The following DACH2 variants were observed in gnomAD, a reference collection of about 807,000 sequenced individuals.
DACH2 encodes the protein dachshund homolog 2.
A neutral mutation model predicts 35.8 loss-of-function variants in DACH2; 17 were observed. That is an observed-to-expected ratio of 0.48 (90% CI 0.33 to 0.71). The LOEUF (loss-of-function observed/expected upper bound fraction) is 0.71, where lower values mean the gene tolerates loss of function less well. DACH2 is among the 30% of genes least tolerant of loss of function. The probability of loss-of-function intolerance (pLI) is 0.02; values close to 1 mark genes in which losing one functional copy is unlikely to be tolerated. For synonymous variants in DACH2, 195 were observed against 177.3 expected (o/e 1.10, Z -0.79); for missense variants, 469 against 472.7 (o/e 0.99, Z 0.07).
intron 2 of DACH2, among the ~76,000 whole-genome samples, chrX:86,431,192 CTT>C (rs990475990): frequency 5.4e-5 from 6 of 111,520 alleles, no homozygotes; most frequent in South Asian, 3.7e-4. Flanking sequence ...GCATCTCTCT[CTT>C]GATGGTTTAT....
intron 3 of DACH2, among the ~76,000 whole-genome samples, chrX:86,527,238 A>G (rs1296164741): frequency 8.9e-6 from 1 of 111,799 alleles, no homozygotes; most frequent in African/African-American, 3.2e-5. Context: ...AATAAATTGT[A>G]CATAGAAAGT....
intron 2 of DACH2, among the ~76,000 whole-genome samples, chrX:86,398,812 A>C (rs1191221384): frequency 9.0e-6 from 1 of 111,644 alleles, no homozygotes; most frequent in East Asian, 2.8e-4. Context: ...ACTTCCAACT[A>C]TGTGGTCAAT....
intron 6 of DACH2, among the ~76,000 whole-genome samples, chrX:86,726,479 C>A (rs1007610757): frequency 9.0e-6 from 1 of 110,900 alleles, no homozygotes; most frequent in Non-Finnish European, 1.9e-5. Flanking sequence ...AGCAGGGTGG[C>A]GGAGATTGTC....
At chrX:86,258,679 G>A (rs1005727643) in intron 1 of DACH2, among the ~76,000 whole-genome samples, 12 of 111,321 alleles carry the variant, frequency 1.1e-4, no homozygotes, top group Non-Finnish European at 2.3e-4. Context: ...TGAAAGGATA[G>A]GAATACTTAG....
intron 2 of DACH2, among the ~76,000 whole-genome samples, chrX:86,466,903 C>A (rs1179005701): frequency 1.8e-5 from 2 of 111,171 alleles, no homozygotes; most frequent in Non-Finnish European, 3.8e-5. Flanking sequence ...AATCCCCAGG[C>A]TGCACACAGC....
intron 1 of DACH2, among the ~76,000 whole-genome samples, chrX:86,281,016 C>T (rs1388304171): frequency 9.0e-6 from 1 of 111,270 alleles, no homozygotes; most frequent in Non-Finnish European, 1.9e-5. Flanking sequence ...ACTTTAAAAC[C>T]CCACTGTCAA....
chrX:86,236,131 CAA>C (rs5902900), intron 1 of DACH2, among the ~76,000 whole-genome samples: 11 of 105,134 alleles, frequency 1.0e-4, no homozygotes, highest in African/African-American at 3.4e-4. Context: ...GGCTCCATCT[CAA>C]AAAAAAAAAT....
At chrX:86,233,961 G>T (rs1351686144) in intron 1 of DACH2, among the ~76,000 whole-genome samples, 2 of 112,033 alleles carry the variant, frequency 1.8e-5, no homozygotes, top group Non-Finnish European at 3.8e-5. Flanking sequence ...TACAATTCAA[G>T]ATGAGATTTG....
At chrX:86,339,086 C>A (rs190831590) in intron 1 of DACH2, among the ~76,000 whole-genome samples, 7 of 111,679 alleles carry the variant, frequency 6.3e-5, no homozygotes, top group Non-Finnish European at 1.3e-4. Flanking sequence ...AGCCTACCAA[C>A]CAAAAACAGT....
intron 2 of DACH2, among the ~76,000 whole-genome samples, chrX:86,385,350 T>A (rs1484339344): frequency 2.7e-5 from 3 of 111,532 alleles, no homozygotes; most frequent in Non-Finnish European, 5.7e-5. Context: ...GATTGACACA[T>A]CCCATTTAAA....
chrX:86,400,013 T>C (rs2036390821), intron 2 of DACH2, among the ~76,000 whole-genome samples: 1 of 111,963 alleles, frequency 8.9e-6, no homozygotes, highest in African/African-American at 3.3e-5. Context: ...CACTTTCAGG[T>C]ACACCAATCA....
At chrX:86,607,913 A>G (rs1197845877) in intron 3 of DACH2, among the ~76,000 whole-genome samples, 3 of 106,981 alleles carry the variant, frequency 2.8e-5, no homozygotes, top group Non-Finnish European at 5.8e-5. Context: ...GTCCCTACAA[A>G]GGACGTGAAC....
chrX:86,341,219 C>T (rs1405815848), intron 1 of DACH2, among the ~76,000 whole-genome samples: 1 of 111,826 alleles, frequency 8.9e-6, no homozygotes, highest in Non-Finnish European at 1.9e-5. Context: ...GCCTTCAAAA[C>T]GTCGAAAGAC....
intron 1 of DACH2, among the ~76,000 whole-genome samples, chrX:86,152,591 G>A (rs1426925525): frequency 9.0e-6 from 1 of 111,556 alleles, no homozygotes; most frequent in Non-Finnish European, 1.9e-5. Flanking sequence ...CTGCTAGAGA[G>A]GTAGTAAGAT....
intron 1 of DACH2, among the ~76,000 whole-genome samples, chrX:86,315,206 G>T (rs2034874812): frequency 8.9e-6 from 1 of 112,043 alleles, no homozygotes; most frequent in South Asian, 3.8e-4. Context: ...AATCTACTCT[G>T]CCTGTGCTAT....
At chrX:86,392,261 C>A (rs1407887666) in intron 2 of DACH2, among the ~76,000 whole-genome samples, 6 of 111,531 alleles carry the variant, frequency 5.4e-5, no homozygotes, top group Non-Finnish European at 1.1e-4. Context: ...TCTTGGCAAA[C>A]ATTTTACTCT....
chrX:86,663,476 T>C (rs922083099), intron 4 of DACH2, among the ~76,000 whole-genome samples: 5 of 111,634 alleles, frequency 4.5e-5, no homozygotes, highest in Admixed American at 1.9e-4. Context: ...ACTTATCAGT[T>C]GTTTACATGT....
intron 1 of DACH2, among the ~76,000 whole-genome samples, chrX:86,266,281 CTG>C (rs1320880475): frequency 1.8e-5 from 2 of 111,257 alleles, no homozygotes; most frequent in Non-Finnish European, 3.8e-5. Context: ...CAGAGAAACA[CTG>C]TTTTAGAATC....
intron 3 of DACH2, among the ~76,000 whole-genome samples, chrX:86,532,305 G>A (rs1427787404): frequency 1.8e-5 from 2 of 111,385 alleles, no homozygotes; most frequent in East Asian, 2.8e-4. Context: ...AGGGCCAGGG[G>A]TATAATGATG....
Sources: allele counts gnomAD v4.1 joint callset (sites outside exome capture counted in the v4.1 genomes callset), GRCh38; gene constraint gnomAD v4.1.1; transcripts MANE v1.5; gene names NCBI Gene and HGNC (gene_info 2026-07-23, HGNC 2026-07-21).